The following SCN4A variants were observed in gnomAD, a reference collection of about 807,000 sequenced individuals.
SCN4A encodes sodium voltage-gated channel alpha subunit 4.
A neutral mutation model predicts 162.0 loss-of-function variants in SCN4A; 83 were observed. The observed-to-expected ratio is 0.51, with a 90% confidence interval of 0.43 to 0.61. The LOEUF is 0.61. SCN4A is among the 20% of genes least tolerant of loss of function. The pLI is 0.00. For missense variants in SCN4A, 2,196 were observed against 2,462.5 expected, an observed-to-expected ratio of 0.89 and a Z score of 2.29; for synonymous variants, 944 against 985.1, an observed-to-expected ratio of 0.96 and a Z score of 0.78.
chr17:63,945,280 T>A lies in SCN4A; in HGVS notation c.3720+80A>T. 1 of 1,260,040 alleles carries A rather than the reference T, an allele frequency of 7.9e-7. No homozygotes were observed. Among genetic ancestry groups the A allele is most frequent in the Non-Finnish European group, 1.1e-6 (1 of 906,348 alleles). 78.1% of individuals were successfully genotyped at this position (1,260,040 alleles called of 1,614,324 possible). A position where few individuals can be genotyped will look rare whatever the true frequency, so the allele number is the denominator to read the frequency against. On this transcript the variant is annotated intron_variant, in intron 19 of 23. Coordinates refer to ENST00000435607, the MANE Select transcript of SCN4A (RefSeq NM_000334.4). The surrounding 1 kb of genome is among the most constrained non-coding windows in gnomAD (Gnocchi z 4.4). Reference sequence around the variant, plus strand: ...GCGGTCCCCTAACCAGGAGTGACACTGGGGTTGGGTACAACGAGAGGACCG... The same window carrying A: ...GCGGTCCCCTAACCAGGAGTGACACAGGGGTTGGGTACAACGAGAGGACCG...
At position 63,942,808 on chromosome 17, in the gene SCN4A, C is replaced by T; in HGVS notation, c.4288+18G>A. ...CTCAGCTCAGTGCTGCCCTGCCGGTCCAGCCCGCCCCGCTCACCCACAATG... is the reference window on the plus strand; with the variant it reads ...CTCAGCTCAGTGCTGCCCTGCCGGTTCAGCCCGCCCCGCTCACCCACAATG... On this transcript the variant is annotated intron_variant, in intron 23 of 23. Transcript: ENST00000435607. The T allele has an allele frequency of 1.9e-6, 3 of 1,608,496 alleles. No homozygotes were observed. Among genetic ancestry groups the T allele is most frequent in the Non-Finnish European group, 2.6e-6 (3 of 1,176,086 alleles).
At position 63,972,753 on chromosome 17, in the gene SCN4A, T is replaced by C; in HGVS notation, c.89A>G (p.Gln30Arg). Residue 30 changes from glutamine to arginine, a missense_variant, in exon 1 of 24, where the codon CAG becomes CGG. Gln to Arg is a conservative substitution (Grantham distance 43). Coordinates refer to ENST00000435607, the MANE Select transcript of SCN4A (RefSeq NM_000334.4). This position sits in a 1 kb window ranked among gnomAD's most constrained non-coding sequence, Gnocchi z 4.3. ...FTRESLAAIE[Q>R]RAVEEEARLQ... The stretch of plus-strand genomic sequence containing the variant: ...CCGGGCCTCCTCCTCCACCGCCCGC[T>C]GTTCTATGGCTGCCAGTGACTCCCG... 1 of 1,613,786 alleles carries C rather than the reference T, an allele frequency of 6.2e-7. No individual in the cohort carries two copies. The highest frequency in any genetic ancestry group is 8.5e-7 in the Non-Finnish European group (1 of 1,179,814).
In SCN4A at chr17:63,957,183, G is replaced by A. The variant is rs1435070599; in HGVS notation, c.2355C>T (p.Val785=). 6.3e-7 allele frequency: 1 copy of A among 1,580,388 alleles called. No individual in the cohort carries two copies. The highest frequency in any genetic ancestry group is 1.3e-5 in the African/African-American group (1 of 74,524). The change falls in exon 13 of 24, where the codon GTC becomes GTT. Residue 785 remains valine (V), a synonymous_variant. Coordinates refer to ENST00000435607, the MANE Select transcript of SCN4A (RefSeq NM_000334.4). Reference sequence around the variant, plus strand: ...TCACCACAAGATTGCCGATGACCATGACCATGAGGAAGACGGTGAGGCACA... The same window carrying A: ...TCACCACAAGATTGCCGATGACCATAACCATGAGGAAGACGGTGAGGCACA... The part of the protein sequence containing the change: ...QAMCLTVFLM[V]MVIGNLVVLN...
chr17:63,940,452 G>A lies in SCN4A; in HGVS notation c.*319C>T, dbSNP rs887160451. The A allele has an allele frequency of 3.9e-5, 13 of 333,542 alleles. No individual in the cohort carries two copies. The highest frequency in any genetic ancestry group is 5.5e-5 in the Non-Finnish European group (10 of 183,072). 20.7% of individuals were successfully genotyped at this position (333,542 alleles called of 1,614,324 possible). ...CTCCTCAAGTGAGGGGCAGAGATTC[G>A]AATGTTCTGACCTCCCCCAGGCCAA... On this transcript the variant is annotated 3_prime_UTR_variant, in exon 24 of 24. Coordinates refer to ENST00000435607, the MANE Select transcript of SCN4A (RefSeq NM_000334.4).
At chr17:63,961,664 G>A (rs2144799522) in intron 10 of SCN4A, 1 of 339,378 alleles carries the variant, frequency 2.9e-6, no homozygotes, top group Non-Finnish European at 5.7e-6. Context: ...TCTGAGCGCG[G>A]CCGGCTCCAA....
chr17:63,940,872 T>C lies in SCN4A; in HGVS notation c.5410A>G (p.Thr1804Ala), dbSNP rs372635510. 23 of 1,613,710 alleles carry C rather than the reference T, an allele frequency of 1.4e-5. No individual in the cohort carries two copies. In the African/African-American group the frequency reaches 2.8e-4, roughly 20 times the overall value. ...EKGEAGDAGP[T>A]MGLMPISPSD... ...GGGCTGATGGGCATCAGCCCCATAG[T>C]GGGTCCGGCGTCCCCTGCCTCGCCC... The change falls in exon 24 of 24, where the codon ACT becomes GCT. Residue 1804 changes from threonine (T) to alanine (A), a missense_variant. Thr to Ala is a moderately conservative substitution (Grantham distance 58). Coordinates refer to ENST00000435607, the MANE Select transcript of SCN4A (RefSeq NM_000334.4).
chr17:63,968,002 CG>C lies in SCN4A; in HGVS notation c.1036+20del. ...GGACTGGGACAGGATCCCCCTTGCC[CG>C]TCACCCTCCCCATTCTTACCTTCAT... is the stretch of plus-strand genomic sequence containing the variant. On this transcript the variant is annotated intron_variant, in intron 6 of 23. Transcript: ENST00000435607. 6.2e-7 allele frequency: 1 copy of C among 1,604,490 alleles called. No individual in the cohort carries two copies.
At position 63,942,805 on chromosome 17, in the gene SCN4A, G is replaced by A. The variant is rs772939398; in HGVS notation, c.4288+21C>T. ...TGCCTCAGCTCAGTGCTGCCCTGCC[G>A]GTCCAGCCCGCCCCGCTCACCCACA... On this transcript the variant is annotated intron_variant, in intron 23 of 23. Coordinates refer to ENST00000435607, the MANE Select transcript of SCN4A (RefSeq NM_000334.4). 3.1e-5 allele frequency: 50 copies of A among 1,607,560 alleles called. 1 individual carries two copies. The Middle Eastern group carries it at 5.0e-4, about 16-fold the overall frequency.
At chr17:63,967,880 C>T in intron 6 of SCN4A, 143 bp downstream of exon 6, 1 of 717,586 alleles carries the variant, frequency 1.4e-6, no homozygotes, top group East Asian at 2.6e-5. Context: ...TTGTAGTGAG[C>T]TGAGATGGCA....
intron 8 of SCN4A, 31 bp from the exon 9 acceptor site, chr17:63,964,708 TC>T: frequency 6.6e-7 from 1 of 1,518,866 alleles, no homozygotes; most frequent in Non-Finnish European, 9.0e-7. Flanking sequence ...AGTGGAGGGG[TC>T]CCATGACGTC....
At chr17:63,967,661 G>A (rs1255755185) in intron 6 of SCN4A, among the ~76,000 whole-genome samples, 4 of 151,934 alleles carry the variant, frequency 2.6e-5, no homozygotes, top group Admixed American at 2.0e-4. Flanking sequence ...GGCGGGGAGC[G>A]GTGGCTCACG....
At position 63,943,728 on chromosome 17, in the gene SCN4A, G is replaced by A. The variant is rs1201918703; in HGVS notation, c.4017+18C>T. On this transcript the variant is annotated intron_variant, in intron 22 of 23. Coordinates refer to ENST00000435607, the MANE Select transcript of SCN4A (RefSeq NM_000334.4). ...AGCCTGGCAGCACACACAGGACAGGGGGCCCAGAGGTCTGTACCTGGGGCC... is the reference window on the plus strand; with the variant it reads ...AGCCTGGCAGCACACACAGGACAGGAGGCCCAGAGGTCTGTACCTGGGGCC... 6 of 1,496,526 alleles carry A rather than the reference G, an allele frequency of 4.0e-6. No homozygotes were observed. In the South Asian group the frequency reaches 4.5e-5, roughly 11 times the overall value. 92.7% of individuals were successfully genotyped at this position (1,496,526 alleles called of 1,614,324 possible).
At chr17:63,963,302 A>T (rs1909326196) in intron 10 of SCN4A, among the ~76,000 whole-genome samples, 1 of 152,118 alleles carries the variant, frequency 6.6e-6, no homozygotes, top group Admixed American at 6.5e-5. Flanking sequence ...TTTCCGGAAC[A>T]TTGGGCCTTC....
At chr17:63,948,096 G>A in intron 16 of SCN4A, 33 bp from the exon 17 acceptor site, 1 of 1,565,648 alleles carries the variant, frequency 6.4e-7, no homozygotes, top group Non-Finnish European at 8.7e-7. Flanking sequence ...GGTGGCTGGG[G>A]TCCAGCAGGC....
chr17:63,965,558 G>A (rs572751536), intron 8 of SCN4A, among the ~76,000 whole-genome samples: 4 of 152,158 alleles, frequency 2.6e-5, no homozygotes, highest in African/African-American at 7.2e-5. Flanking sequence ...GCGTGGTCTC[G>A]GCTCACTGCC....
Position 63,971,191 on chromosome 17 carries a change from C to T in SCN4A, c.674G>A (p.Arg225Gln), listed in dbSNP as rs547866546. Residue 225 changes from arginine to glutamine, a missense_variant, in exon 5 of 24, where the codon CGG (arginine) becomes CAG (glutamine). Arg to Gln is a conservative substitution (Grantham distance 43). Coordinates refer to ENST00000435607, the MANE Select transcript of SCN4A (RefSeq NM_000334.4). Reference sequence around the variant, plus strand: ...GATGACCGTGATGGTTTTGAGGGCCCGCAGCACCCGGAAGGTCCTCAGGGC... The same window carrying T: ...GATGACCGTGATGGTTTTGAGGGCCTGCAGCACCCGGAAGGTCCTCAGGGC... ...ISALRTFRVL[R>Q]ALKTITVIPG... 42 of 1,564,876 alleles carry T rather than the reference C, an allele frequency of 2.7e-5. No individual in the cohort carries two copies. The highest frequency in any genetic ancestry group is 7.1e-5 in the East Asian group (3 of 42,230).
Position 63,966,376 on chromosome 17 carries a change from A to G in SCN4A, c.1100+105T>C. On this transcript the variant is annotated intron_variant, in intron 7 of 23. Coordinates refer to ENST00000435607, the MANE Select transcript of SCN4A (RefSeq NM_000334.4). The stretch of plus-strand genomic sequence containing the variant: ...ACAGAAAAGTATTCCATCCATGCCC[A>G]CAGGTTTCCCTGCACTCCCATGCCC... 3 of 1,416,836 alleles carry G rather than the reference A, an allele frequency of 2.1e-6. No homozygotes were observed. In the South Asian group the frequency reaches 3.5e-5, roughly 17 times the overall value. The allele number at this position is 1,416,836 out of a possible 1,614,324, so 87.8% of individuals were successfully genotyped here. A position where few individuals can be genotyped will look rare whatever the true frequency, so the allele number is the denominator to read the frequency against.
At chr17:63,964,783 T>C in intron 8 of SCN4A, 106 bp from the exon 9 acceptor site, 1 of 839,982 alleles carries the variant, frequency 1.2e-6, no homozygotes, top group South Asian at 1.6e-5. Context: ...GCAGAGCCCC[T>C]CCCTCACAGA....
At chr17:63,961,635 T>A in intron 10 of SCN4A, 6 of 351,692 alleles carry the variant, frequency 1.7e-5, no homozygotes, top group Admixed American at 7.6e-5. Context: ...CCACATGGCT[T>A]CACCCCAAAG....
Sources: allele counts gnomAD v4.1 joint callset (sites outside exome capture counted in the v4.1 genomes callset), GRCh38; gene constraint gnomAD v4.1.1; non-coding constraint Gnocchi (gnomAD v3.1); transcripts MANE v1.5; gene names NCBI Gene and HGNC (gene_info 2026-07-23, HGNC 2026-07-21).